The following ASIC2 variants were observed in gnomAD, a reference collection of about 807,000 sequenced individuals.
ASIC2 encodes acid sensing ion channel subunit 2.
In ASIC2, 25 loss-of-function variants were observed where a neutral mutation model predicts 57.3. That is an observed-to-expected ratio of 0.44 (90% CI 0.32 to 0.61). ASIC2 has a LOEUF of 0.61. Ranked by LOEUF, ASIC2 falls within the 20% of genes least tolerant of loss-of-function variation. ASIC2 has a pLI of 0.06. For synonymous variants in ASIC2, 319 were observed against 307.5 expected, an observed-to-expected ratio of 1.04 and a Z score of -0.39; for missense variants, 641 against 738.1, an observed-to-expected ratio of 0.87 and a Z score of 1.52.
intron 3 of ASIC2, among the ~76,000 whole-genome samples, chr17:33,033,742 A>C (rs1034470332): frequency 5.3e-5 from 8 of 152,186 alleles, no homozygotes; most frequent in Non-Finnish European, 1.2e-4. Flanking sequence ...GAAGGCCTGA[A>C]GGCTGTGGGA....
At chr17:33,099,790 T>C (rs938826604) in intron 2 of ASIC2, among the ~76,000 whole-genome samples, 2 of 152,208 alleles carry the variant, frequency 1.3e-5, no homozygotes, top group African/African-American at 4.8e-5. Flanking sequence ...TTTGTAAAAA[T>C]TCTGTTTACA....
chr17:33,626,384 A>C (rs1204691619), intron 1 of ASIC2, among the ~76,000 whole-genome samples: 1 of 152,230 alleles, frequency 6.6e-6, no homozygotes, highest in Non-Finnish European at 1.5e-5. Flanking sequence ...TTGGTTAATT[A>C]TTAAATTTAG....
At chr17:33,195,510 C>T (rs1330177797) in intron 1 of ASIC2, among the ~76,000 whole-genome samples, 1 of 152,140 alleles carries the variant, frequency 6.6e-6, no homozygotes, top group Non-Finnish European at 1.5e-5. Context: ...TGAAATTGTA[C>T]AAATTTTTAT....
chr17:33,364,192 C>T (rs1908719336), intron 1 of ASIC2, among the ~76,000 whole-genome samples: 1 of 152,140 alleles, frequency 6.6e-6, no homozygotes, highest in Admixed American at 6.5e-5. Context: ...GGAAGAAAGG[C>T]TACTTAGAGG....
At chr17:33,899,685 C>T (rs947845351) in intron 1 of ASIC2, among the ~76,000 whole-genome samples, 2 of 152,106 alleles carry the variant, frequency 1.3e-5, no homozygotes, top group African/African-American at 4.8e-5. Context: ...CACAAAGGGA[C>T]CATTTTACTT....
chr17:33,394,960 T>C (rs953348439), intron 1 of ASIC2, among the ~76,000 whole-genome samples: 2 of 151,916 alleles, frequency 1.3e-5, no homozygotes, highest in Non-Finnish European at 1.5e-5. Flanking sequence ...CACGCATCCA[T>C]CCATTTTTCC....
rs149112842 is a variant in ASIC2, at chr17:33,769,826, G to A, written c.555+386152C>T. Among the ~76,000 whole-genome samples the A allele has an allele frequency of 5.3e-3, 813 of 152,290 alleles. 8 individuals are homozygous for A. The highest frequency in any genetic ancestry group is 0.019 in the African/African-American group (772 of 41,558). On this transcript the variant is annotated intron_variant, in intron 1 of 9. Coordinates refer to the ASIC2 transcript ENST00000359872. ...TAGTGAGGCTCACTTCCTTGTGTGC[G>A]GATGGCCATCTTCTCACTGTGTCCT...
chr17:33,673,600 C>T (rs7220362), intron 1 of ASIC2, among the ~76,000 whole-genome samples: 7,610 of 152,210 alleles, frequency 0.05, 499 homozygotes, highest in African/African-American at 0.15. Flanking sequence ...GATTCCTACA[C>T]TGGGGATGAA....
At chr17:33,150,199 C>A (rs1010649736) in intron 1 of ASIC2, among the ~76,000 whole-genome samples, 3 of 152,160 alleles carry the variant, frequency 2.0e-5, no homozygotes, top group Non-Finnish European at 4.4e-5. Flanking sequence ...CTTGGAGGAA[C>A]CTTCATCTAA....
In ASIC2 at chr17:33,978,959, G is replaced by T. The variant is rs76191033; in HGVS notation, c.555+177019C>A. Among the ~76,000 whole-genome samples, 960 of 152,248 alleles carry T rather than the reference G, an allele frequency of 6.3e-3. 12 individuals carry two copies. Among genetic ancestry groups the T allele is most frequent in the African/African-American group, 0.022 (921 of 41,526 alleles). ...AAGGGCTGAGTGTAAGTACAGAAGG[G>T]GACAGGACAGGCTTATTGTGTCTCC... On this transcript the variant is annotated intron_variant, in intron 1 of 9. Coordinates refer to the ASIC2 transcript ENST00000359872.
At chr17:33,937,245 T>G (rs144086226) in intron 1 of ASIC2, among the ~76,000 whole-genome samples, 5,912 of 152,210 alleles carry the variant, frequency 0.039, 384 homozygotes, top group African/African-American at 0.13. Context: ...GGGATTACAC[T>G]CACGTGCCAC....
chr17:33,252,215 C>T (rs114798082), intron 1 of ASIC2, among the ~76,000 whole-genome samples: 13 of 152,220 alleles, frequency 8.5e-5, no homozygotes, highest in Admixed American at 2.0e-4. Context: ...CAAACTGCAC[C>T]GAGTTCTTTC....
chr17:33,987,668 A>G (rs1905867211), intron 1 of ASIC2, among the ~76,000 whole-genome samples: 1 of 151,962 alleles, frequency 6.6e-6, no homozygotes, highest in African/African-American at 2.4e-5. Context: ...CAACCAACCA[A>G]CCAACCAACG....
In ASIC2 at chr17:33,469,754, A is replaced by T. The variant is rs148909148; in HGVS notation, c.556-357687T>A. ...CTGATGTGATACCATATTAAAAAGT[A>T]TACAGGGAAGCCCATACTTCACTCT... On this transcript the variant is annotated intron_variant, in intron 1 of 9. Coordinates refer to the ASIC2 transcript ENST00000359872. Among the ~76,000 whole-genome samples, 84 of 152,324 alleles carry T rather than the reference A, an allele frequency of 5.5e-4. 1 individual carries two copies. In the East Asian group the frequency reaches 0.015, roughly 28 times the overall value.
intron 1 of ASIC2, among the ~76,000 whole-genome samples, chr17:33,375,806 A>G (rs1195547811): frequency 1.3e-5 from 2 of 152,208 alleles, no homozygotes; most frequent in East Asian, 3.8e-4. Flanking sequence ...ACAGGAGCCA[A>G]AGATGAATTC....
intron 1 of ASIC2, among the ~76,000 whole-genome samples, chr17:33,929,138 C>G (rs1197757977): frequency 6.6e-6 from 1 of 152,124 alleles, no homozygotes; most frequent in Non-Finnish European, 1.5e-5. Context: ...CCCTCAGACC[C>G]CCCATTGGAT....
chr17:33,989,557 G>A (rs1042733446), intron 1 of ASIC2, among the ~76,000 whole-genome samples: 1 of 150,146 alleles, frequency 6.7e-6, no homozygotes, highest in Non-Finnish European at 1.5e-5. Context: ...CTTGGTCCCA[G>A]TGCCACACCC....
At chr17:33,342,747 G>A (rs1017284268) in intron 1 of ASIC2, among the ~76,000 whole-genome samples, 48 of 152,128 alleles carry the variant, frequency 3.2e-4, no homozygotes, top group African/African-American at 1.1e-3. Flanking sequence ...TCTGATGATG[G>A]CAGAGTTTCT....
At position 33,815,692 on chromosome 17, in the gene ASIC2, T is replaced by C. The variant is rs200175501; in HGVS notation, c.555+340286A>G. ...TGACTGGATACCAGCTTATTACCAC[T>C]CCCTAAATGAATTGATTTGTCTTTG... On this transcript the variant is annotated intron_variant, in intron 1 of 9. Transcript: ENST00000359872. Among the ~76,000 whole-genome samples, 326 of 152,276 alleles carry C rather than the reference T, an allele frequency of 2.1e-3. 2 individuals are homozygous for C. Among genetic ancestry groups the C allele is most frequent in the African/African-American group, 7.5e-3 (311 of 41,546 alleles).
Sources: gnomAD v4.1 joint callset for allele counts (sites outside exome capture counted in the v4.1 genomes callset) on GRCh38, gnomAD v4.1.1 for gene constraint, MANE v1.5 for transcripts, NCBI Gene and HGNC (gene_info 2026-07-23, HGNC 2026-07-21) for gene names.